TNR: variants seen among roughly 807,000 people sequenced by gnomAD.
TNR encodes the protein tenascin R.
In TNR, 45 loss-of-function variants were observed where a neutral mutation model predicts 150.4. The ratio of observed to expected loss-of-function variants is 0.30; its 90% CI spans 0.24 to 0.38. The LOEUF is 0.38. Among genes scored for constraint, TNR ranks in the 10% least tolerant of loss-of-function variants. The pLI is 1.00. For synonymous variants in TNR, 687 were observed against 678.4 expected (o/e 1.01, Z -0.20); for missense variants, 1,544 against 1,759.1 (o/e 0.88, Z 2.19).
At position 175,365,984 on chromosome 1, in the gene TNR, C is replaced by G. The variant is rs949717347; in HGVS notation, c.2208G>C (p.Arg736Ser). 12 of 1,613,960 alleles carry G rather than the reference C, an allele frequency of 7.4e-6. No homozygotes were observed. The Admixed American group carries it at 1.2e-4, about 16-fold the overall frequency. Residue 736 changes from arginine (R) to serine (S), a missense_variant, in exon 11 of 23, where the codon AGG (arginine) becomes AGC (serine). Transcript: ENST00000367674. ...IASEVTVPKD[R>S]TSYTLTDLEP... ...CTAGATCTGTTAGTGTGTATGAGGT[C>G]CTGTCCTTGGGTACGGTGACTTCTG... is the stretch of plus-strand genomic sequence containing the variant.
rs754756846 is a variant in TNR at position 175,379,524 on chromosome 1, A to G, written c.1963+28T>C. On this transcript the variant is annotated intron_variant, in intron 9 of 22. Transcript: ENST00000367674. ...TGAGGGTATAGACTCAGCAACCAGCATAACCCCAAGAGATAGGTCTTACTC... is the reference window on the plus strand; with the variant it reads ...TGAGGGTATAGACTCAGCAACCAGCGTAACCCCAAGAGATAGGTCTTACTC... The G allele has an allele frequency of 4.4e-6, 7 of 1,600,456 alleles. No individual in the cohort carries two copies. The African/African-American group carries it at 5.4e-5, about 12-fold the overall frequency.
At chr1:175,688,921 TC>T (rs1666276064) in intron 1 of TNR, among the ~76,000 whole-genome samples, 2 of 152,248 alleles carry the variant, frequency 1.3e-5, no homozygotes, top group South Asian at 4.1e-4. Flanking sequence ...AGTCATTCAC[TC>T]AGCAAACATT....
At chr1:175,477,650 T>A (rs1571496692) in intron 2 of TNR, among the ~76,000 whole-genome samples, 4 of 152,236 alleles carry the variant, frequency 2.6e-5, no homozygotes, top group African/African-American at 9.6e-5. Context: ...GCTACTGGCT[T>A]GGGAATGAGG....
chr1:175,716,250 A>G (rs1293251754), intron 1 of TNR, among the ~76,000 whole-genome samples: 4 of 151,972 alleles, frequency 2.6e-5, no homozygotes, highest in Non-Finnish European at 5.9e-5. Flanking sequence ...AAGATTCTCC[A>G]TTTTCCATTC....
At chr1:175,481,485 G>A (rs943488745) in intron 2 of TNR, among the ~76,000 whole-genome samples, 4 of 152,038 alleles carry the variant, frequency 2.6e-5, no homozygotes, top group Non-Finnish European at 5.9e-5. Flanking sequence ...TACAGACAAG[G>A]GATTATCCCC....
chr1:175,731,218 A>G (rs1667631284), intron 1 of TNR, among the ~76,000 whole-genome samples: 2 of 152,172 alleles, frequency 1.3e-5, no homozygotes, highest in Non-Finnish European at 2.9e-5. Context: ...CACCAGCCCA[A>G]TTACAGGACA....
chr1:175,391,647 T>A (rs188067111), intron 6 of TNR, among the ~76,000 whole-genome samples: 4 of 152,318 alleles, frequency 2.6e-5, no homozygotes, highest in African/African-American at 9.6e-5. Context: ...CTATGAGGAT[T>A]TGGCAAATGG....
intron 18 of TNR, among the ~76,000 whole-genome samples, chr1:175,354,036 G>A (rs1651199435): frequency 6.6e-6 from 1 of 152,040 alleles, no homozygotes; most frequent in African/African-American, 2.4e-5. Context: ...AGTAGAGACA[G>A]GGTTTTATCA....
intron 1 of TNR, among the ~76,000 whole-genome samples, chr1:175,559,976 G>T (rs961630224): frequency 6.6e-6 from 1 of 152,210 alleles, no homozygotes; most frequent in Admixed American, 6.5e-5. Context: ...TGAGATGATT[G>T]CCTCTTTTGT....
intron 1 of TNR, among the ~76,000 whole-genome samples, chr1:175,637,933 A>G (rs553852750): frequency 2.0e-5 from 3 of 152,280 alleles, no homozygotes; most frequent in African/African-American, 4.8e-5. Context: ...ATGAGCATCA[A>G]TCCCTGGAGA....
chr1:175,606,786 A>G (rs1663421798), intron 1 of TNR, among the ~76,000 whole-genome samples: 1 of 152,080 alleles, frequency 6.6e-6, no homozygotes, highest in African/African-American at 2.4e-5. Context: ...GCATTCCACC[A>G]TCCCTTCTCC....
chr1:175,464,173 G>A (rs1404945705), intron 2 of TNR, among the ~76,000 whole-genome samples: 1 of 152,138 alleles, frequency 6.6e-6, no homozygotes. Context: ...AATAATCAAG[G>A]AAAAGAATTA....
chr1:175,670,423 GA>G (rs936640564), intron 1 of TNR, among the ~76,000 whole-genome samples: 1 of 152,042 alleles, frequency 6.6e-6, no homozygotes, highest in African/African-American at 2.4e-5. Flanking sequence ...GAACAACAAG[GA>G]AAAAAAGCAT....
chr1:175,594,943 T>A (rs539452704), intron 1 of TNR, among the ~76,000 whole-genome samples: 1 of 151,290 alleles, frequency 6.6e-6, no homozygotes, highest in East Asian at 1.9e-4. Flanking sequence ...AGTGGGTGGA[T>A]CACCTAAGGT....
intron 2 of TNR, among the ~76,000 whole-genome samples, chr1:175,466,554 T>A (rs995209925): frequency 6.6e-6 from 1 of 152,234 alleles, no homozygotes; most frequent in East Asian, 1.9e-4. Flanking sequence ...GTTCAGTTAC[T>A]GGGCCCTGCC....
At chr1:175,414,649 C>G (rs1418776313) in intron 2 of TNR, among the ~76,000 whole-genome samples, 1 of 152,158 alleles carries the variant, frequency 6.6e-6, no homozygotes, top group East Asian at 1.9e-4. Context: ...GATTTAGTGC[C>G]TTGTTAATGA....
chr1:175,419,432 G>A (rs551427109), intron 2 of TNR, among the ~76,000 whole-genome samples: 1 of 152,156 alleles, frequency 6.6e-6, no homozygotes, highest in East Asian at 1.9e-4. Context: ...AAGTTCGTGT[G>A]GGATCCATAT....
intron 2 of TNR, among the ~76,000 whole-genome samples, chr1:175,480,086 T>G (rs1657716375): frequency 6.6e-6 from 1 of 151,960 alleles, no homozygotes; most frequent in Non-Finnish European, 1.5e-5. Context: ...AATGAGGCCT[T>G]CCTCCCAGAC....
chr1:175,694,671 G>A (rs896277326), intron 1 of TNR, among the ~76,000 whole-genome samples: 1 of 152,152 alleles, frequency 6.6e-6, no homozygotes, highest in Non-Finnish European at 1.5e-5. Context: ...TGGAGATAGG[G>A]ACTTTAATGA....
Sources: gnomAD v4.1 joint callset for allele counts (sites outside exome capture counted in the v4.1 genomes callset) on GRCh38, gnomAD v4.1.1 for gene constraint, MANE v1.5 for transcripts, NCBI Gene and HGNC (gene_info 2026-07-23, HGNC 2026-07-21) for gene names.